Variants in KCNH5 observed in about 807,000 individuals in gnomAD.
The protein encoded by KCNH5 is voltage-gated delayed rectifier potassium channel KCNH5.
KCNH5 carries 46 observed loss-of-function variants against 96.1 expected under a neutral mutation model. The observed-to-expected ratio is 0.48, with a 90% CI of 0.38 to 0.61. The LOEUF is 0.61. KCNH5 is among the 20% of genes least tolerant of loss of function. KCNH5 has a pLI of 0.00. For missense variants in KCNH5, 907 were observed against 1,225.8 expected, an observed-to-expected ratio of 0.74 and a Z score of 3.88; for synonymous variants, 439 against 449.8, an observed-to-expected ratio of 0.98 and a Z score of 0.30.
At chr14:62,953,396 T>A (rs2140132789) in intron 6 of KCNH5, among the ~76,000 whole-genome samples, 1 of 152,262 alleles carries the variant, frequency 6.6e-6, no homozygotes, top group African/African-American at 2.4e-5. Flanking sequence ...GTTTCAACCA[T>A]CTTCCATATA....
At chr14:62,934,136 CTT>C (rs71451286) in intron 7 of KCNH5, among the ~76,000 whole-genome samples, 10 of 141,400 alleles carry the variant, frequency 7.1e-5, no homozygotes, top group Admixed American at 1.4e-4. Context: ...TTCTTTCTTT[CTT>C]TTTTTTTTTT....
At chr14:62,865,871 T>A (rs947273624) in intron 7 of KCNH5, among the ~76,000 whole-genome samples, 3 of 152,226 alleles carry the variant, frequency 2.0e-5, no homozygotes, top group Non-Finnish European at 2.9e-5. Flanking sequence ...TTATTTTATA[T>A]ATGATGGGGT....
chr14:62,932,414 C>T (rs775477754), intron 7 of KCNH5, among the ~76,000 whole-genome samples: 3 of 146,214 alleles, frequency 2.1e-5, no homozygotes, highest in South Asian at 2.1e-4. Context: ...TTGGAATACA[C>T]GAAAACTTCT....
chr14:62,779,618 TG>T, intron 10 of KCNH5, 109 bp downstream of exon 10: 1 of 819,712 alleles, frequency 1.2e-6, no homozygotes, highest in Non-Finnish European at 1.8e-6. Flanking sequence ...TTTACATTGA[TG>T]GGAATTTAGT....
chr14:63,039,896 G>A (rs192829040), intron 1 of KCNH5, among the ~76,000 whole-genome samples: 3 of 151,998 alleles, frequency 2.0e-5, no homozygotes, highest in African/African-American at 7.2e-5. Context: ...CAAGCAAGGT[G>A]GGGGAAGGGG....
chr14:62,925,466 T>C (rs6573465), intron 7 of KCNH5, among the ~76,000 whole-genome samples: 107,586 of 151,844 alleles, frequency 0.71, 38,975 homozygotes, highest in East Asian at 0.99. Flanking sequence ...TATCCTTTCC[T>C]CTTGAGTGTT....
At chr14:62,833,020 C>A (rs113660561) in intron 8 of KCNH5, among the ~76,000 whole-genome samples, 153 of 152,110 alleles carry the variant, frequency 1.0e-3, no homozygotes, top group African/African-American at 3.6e-3. Context: ...TGGGTATTAA[C>A]CCCATATCTG....
chr14:62,776,128 G>A (rs1341605832), intron 10 of KCNH5, among the ~76,000 whole-genome samples: 2 of 152,034 alleles, frequency 1.3e-5, no homozygotes, highest in Non-Finnish European at 2.9e-5. Flanking sequence ...TTAGCTGGGC[G>A]TGGTGGCATG....
chr14:62,937,954 C>T (rs956400494), intron 7 of KCNH5, among the ~76,000 whole-genome samples: 5 of 152,046 alleles, frequency 3.3e-5, no homozygotes, highest in African/African-American at 1.2e-4. Flanking sequence ...CTAAGGAAAC[C>T]AACAGGAAAA....
chr14:62,978,787 T>A (rs1890550743), intron 6 of KCNH5, among the ~76,000 whole-genome samples: 1 of 152,162 alleles, frequency 6.6e-6, no homozygotes. Context: ...TGATTATTTT[T>A]AATTGACAGA....
chr14:62,854,905 T>C (rs1035684046), intron 7 of KCNH5, among the ~76,000 whole-genome samples: 3 of 149,312 alleles, frequency 2.0e-5, no homozygotes, highest in Non-Finnish European at 3.0e-5. Flanking sequence ...TCAGAAATTC[T>C]TTGAGAACTC....
Position 62,705,160 on chromosome 14 carries a change from ACT to A in KCNH5, c.*2346_*2347del, listed in dbSNP as rs1434729208. 2 of 151,972 alleles carry A rather than the reference ACT, an allele frequency of 1.3e-5. No homozygotes were observed. The highest frequency in any genetic ancestry group is 2.9e-5 in the Non-Finnish European group (2 of 67,856). 9.4% of individuals were successfully genotyped at this position (151,972 alleles called of 1,614,324 possible). A position where few individuals can be genotyped will look rare whatever the true frequency, so the allele number is the denominator to read the frequency against. On this transcript the variant is annotated 3_prime_UTR_variant, in exon 11 of 11. Transcript: ENST00000322893. ...TAACATTGTAGGTCGATTAGGTGAA[ACT>A]CTACGTCAATGTCAGAACACAGTAA...
At chr14:62,867,083 C>T (rs1367835217) in intron 7 of KCNH5, among the ~76,000 whole-genome samples, 1 of 152,178 alleles carries the variant, frequency 6.6e-6, no homozygotes, top group Non-Finnish European at 1.5e-5. Context: ...GCAACTTATT[C>T]ATCTCCCCAT....
rs1284389099 is a variant in KCNH5, at chr14:62,701,859, C to A, written c.*5649G>T. The A allele has an allele frequency of 6.6e-6, 1 of 151,974 alleles. No homozygotes were observed. The highest frequency in any genetic ancestry group is 6.6e-5 in the Admixed American group (1 of 15,232). The allele number at this position is 151,974 out of a possible 1,614,324, so 9.4% of individuals were successfully genotyped here. On this transcript the variant is annotated 3_prime_UTR_variant, in exon 11 of 11. Transcript: ENST00000322893. ...CTCATTAATTTTGGAAATAAGGATA[C>A]AAGTTGCCATTCTAAACAGAAATAG...
intron 1 of KCNH5, among the ~76,000 whole-genome samples, chr14:63,039,789 T>A (rs1891788176): frequency 6.6e-6 from 1 of 152,056 alleles, no homozygotes; most frequent in Non-Finnish European, 1.5e-5. Context: ...ATACCTTTTT[T>A]CATTTAACTT....
rs76492905 is a variant in KCNH5, at chr14:62,881,867, G to A, written c.1370-32015C>T. 4.8e-3 allele frequency among the ~76,000 whole-genome samples: 736 copies of A among 152,134 alleles called. 29 individuals carry two copies. The East Asian group carries it at 0.088, about 18-fold the overall frequency. On this transcript the variant is annotated intron_variant, in intron 7 of 10. Coordinates refer to ENST00000322893, the MANE Select transcript of KCNH5 (RefSeq NM_139318.5). Reference sequence around the variant, plus strand: ...CCTTCAAAGCCCTAGTTCCTGAAAAGATTAATAGACTGTCTCCTAAAATAA... The same window carrying A: ...CCTTCAAAGCCCTAGTTCCTGAAAAAATTAATAGACTGTCTCCTAAAATAA...
intron 6 of KCNH5, among the ~76,000 whole-genome samples, chr14:62,956,019 T>C (rs1311387849): frequency 6.6e-6 from 1 of 152,126 alleles, no homozygotes; most frequent in Non-Finnish European, 1.5e-5. Flanking sequence ...CAATCTCTCC[T>C]ACATCATTGC....
At chr14:62,999,284 C>G (rs976285065) in intron 4 of KCNH5, among the ~76,000 whole-genome samples, 2 of 152,162 alleles carry the variant, frequency 1.3e-5, no homozygotes, top group East Asian at 3.8e-4. Context: ...CTCTGATGGC[C>G]AATGATGATG....
At chr14:62,752,004 G>A (rs1026461069) in intron 10 of KCNH5, among the ~76,000 whole-genome samples, 3 of 152,162 alleles carry the variant, frequency 2.0e-5, no homozygotes, top group African/African-American at 7.2e-5. Context: ...TCTTTGCCCT[G>A]AGAAACTTTC....
Sources: allele counts gnomAD v4.1 joint callset (sites outside exome capture counted in the v4.1 genomes callset), GRCh38; gene constraint gnomAD v4.1.1; transcripts MANE v1.5; gene names NCBI Gene and HGNC (gene_info 2026-07-23, HGNC 2026-07-21).